CDH23: variants seen among roughly 807,000 people sequenced by gnomAD.
CDH23 encodes cadherin related 23.
A neutral mutation model predicts 317.1 loss-of-function variants in CDH23; 189 were observed. The observed-to-expected ratio is 0.60, with a 90% CI of 0.53 to 0.67. The LOEUF is 0.67. Among genes scored for constraint, CDH23 ranks in the 30% least tolerant of loss-of-function variants. The probability of loss-of-function intolerance (pLI) is 0.00; values close to 1 mark genes in which losing one functional copy is unlikely to be tolerated. For missense variants in CDH23, 4,401 were observed against 4,592.4 expected, an observed-to-expected ratio of 0.96 and a Z score of 1.20; for synonymous variants, 1,839 against 1,876.8, an observed-to-expected ratio of 0.98 and a Z score of 0.52.
chr10:71,562,536 G>C (rs934712521), intron 6 of CDH23, among the ~76,000 whole-genome samples: 3 of 152,210 alleles, frequency 2.0e-5, no homozygotes, highest in African/African-American at 7.2e-5. Flanking sequence ...TCAGCAGAGG[G>C]TCTGGGTGAG....
At chr10:71,567,091 G>C (rs1003169099) in intron 7 of CDH23, among the ~76,000 whole-genome samples, 155 bp downstream of exon 7, 1 of 152,192 alleles carries the variant, frequency 6.6e-6, no homozygotes, top group Non-Finnish European at 1.5e-5. Context: ...AATGAGGCTG[G>C]CATTACTGAG....
At chr10:71,452,752 T>C (rs1308899763) in intron 3 of CDH23, among the ~76,000 whole-genome samples, 1 of 152,198 alleles carries the variant, frequency 6.6e-6, no homozygotes, top group Non-Finnish European at 1.5e-5. Context: ...GTGTCTCTAT[T>C]ATACAAGACT....
At chr10:71,797,039 C>T (rs906347013) in intron 48 of CDH23, 65 bp from the exon 49 acceptor site, 3 of 1,043,606 alleles carry the variant, frequency 2.9e-6, no homozygotes, top group East Asian at 2.6e-5. Flanking sequence ...GCCAGGAGCA[C>T]CCCTGGGAAG....
chr10:71,592,211 A>C (rs1859540998), intron 9 of CDH23, among the ~76,000 whole-genome samples: 1 of 152,202 alleles, frequency 6.6e-6, no homozygotes, highest in Admixed American at 6.5e-5. Flanking sequence ...TGTGAGGCTC[A>C]GGGTTCCCAT....
At chr10:71,593,110 C>T (rs1859610864) in intron 9 of CDH23, among the ~76,000 whole-genome samples, 1 of 152,202 alleles carries the variant, frequency 6.6e-6, no homozygotes, top group Non-Finnish European at 1.5e-5. Flanking sequence ...CCAAATACAT[C>T]TAGTACACTT....
Position 71,460,372 on chromosome 10 carries a change from G to A in CDH23, c.145+13977G>A, listed in dbSNP as rs114600594. Among the ~76,000 whole-genome samples the A allele has an allele frequency of 2.6e-3, 402 of 152,362 alleles. 1 individual carries two copies. Among genetic ancestry groups the A allele is most frequent in the African/African-American group, 8.9e-3 (369 of 41,588 alleles). ...GGATGTGCCCTGGTGTCACAGCACC[G>A]CCTGTGGGCCCTCCTTTCCTGGGCT... On this transcript the variant is annotated intron_variant, in intron 3 of 69. Transcript: ENST00000224721.
At position 71,566,959 on chromosome 10, in the gene CDH23, C is replaced by T. The variant is rs545479355; in HGVS notation, c.624+23C>T. The stretch of plus-strand genomic sequence containing the variant: ...ACAGTGAGTCTCCATGCTGGGGCCC[C>T]GGCCGTCCCAGCTGCCTCTTCCCAC... On this transcript the variant is annotated intron_variant, in intron 7 of 69. Transcript: ENST00000224721. 87 of 1,604,192 alleles carry T rather than the reference C, an allele frequency of 5.4e-5. No individual in the cohort carries two copies. The African/African-American group carries it at 6.1e-4, about 11-fold the overall frequency.
intron 3 of CDH23, among the ~76,000 whole-genome samples, chr10:71,483,758 T>C (rs1007211063): frequency 1.3e-5 from 2 of 152,214 alleles, no homozygotes; most frequent in African/African-American, 4.8e-5. Context: ...GGTGGGGAAC[T>C]GAGGCATAGA....
At chr10:71,416,500 C>T (rs1039976909) in intron 1 of CDH23, among the ~76,000 whole-genome samples, 3 of 152,108 alleles carry the variant, frequency 2.0e-5, no homozygotes, top group Admixed American at 1.3e-4. Flanking sequence ...TTCTTTCAGC[C>T]AGCATTCGTT....
intron 26 of CDH23, among the ~76,000 whole-genome samples, chr10:71,708,871 A>T (rs969706936): frequency 2.0e-5 from 3 of 152,216 alleles, no homozygotes; most frequent in African/African-American, 7.2e-5. Context: ...ACCTGTAAAC[A>T]GGAGGTGCTT....
chr10:71,635,182 C>G (rs1300104046), intron 11 of CDH23: 1 of 152,662 alleles, frequency 6.6e-6, no homozygotes, highest in Non-Finnish European at 1.5e-5. Context: ...TCAAAAGCAC[C>G]TGCCCCTCAT....
intron 38 of CDH23, among the ~76,000 whole-genome samples, chr10:71,759,846 C>CACACACACATATATATACACACACACAT (rs776230069): frequency 1.7e-5 from 1 of 59,932 alleles, no homozygotes; most frequent in Admixed American, 1.9e-4. Flanking sequence ...CACACACACA[C>CACACACACATATATATACACACACACAT]ATATACACAC....
At chr10:71,572,598 C>T (rs765866234) in intron 8 of CDH23, among the ~76,000 whole-genome samples, 1 of 152,170 alleles carries the variant, frequency 6.6e-6, no homozygotes, top group Non-Finnish European at 1.5e-5. Flanking sequence ...GCACCCTCTC[C>T]GCCCCTGTGC....
intron 11 of CDH23, among the ~76,000 whole-genome samples, chr10:71,636,397 T>G (rs1397336770): frequency 6.6e-6 from 1 of 152,080 alleles, no homozygotes; most frequent in Admixed American, 6.5e-5. Context: ...GGTGCACACA[T>G]GTGGTCCCAG....
At chr10:71,768,423 G>A (rs982123298) in intron 38 of CDH23, among the ~76,000 whole-genome samples, 14 of 152,030 alleles carry the variant, frequency 9.2e-5, no homozygotes, top group South Asian at 4.1e-4. Context: ...CACCCGCCTC[G>A]TCCTCCCCAA....
intron 3 of CDH23, among the ~76,000 whole-genome samples, chr10:71,482,651 A>G (rs1220035378): frequency 1.3e-5 from 2 of 152,116 alleles, no homozygotes; most frequent in African/African-American, 4.8e-5. Flanking sequence ...GGGTATCATC[A>G]ATGCTGCTGG....
intron 9 of CDH23, among the ~76,000 whole-genome samples, chr10:71,611,194 G>A (rs1860867949): frequency 6.6e-6 from 1 of 152,258 alleles, no homozygotes; most frequent in Admixed American, 6.5e-5. Context: ...AGCGCCTGTG[G>A]AGGGGAGGAC....
chr10:71,526,467 G>C (rs548168060), intron 6 of CDH23, among the ~76,000 whole-genome samples: 1 of 152,344 alleles, frequency 6.6e-6, no homozygotes, highest in South Asian at 2.1e-4. Flanking sequence ...GAAAAGGGCT[G>C]CCTGAAGTTA....
chr10:71,545,265 G>GA (rs1347551579), intron 6 of CDH23, among the ~76,000 whole-genome samples: 1 of 152,208 alleles, frequency 6.6e-6, no homozygotes, highest in African/African-American at 2.4e-5. Flanking sequence ...CACGGCAGGG[G>GA]AGGGGGAGGA....
Sources: gnomAD v4.1 joint callset for allele counts (sites outside exome capture counted in the v4.1 genomes callset) on GRCh38, gnomAD v4.1.1 for gene constraint, MANE v1.5 for transcripts, NCBI Gene and HGNC (gene_info 2026-07-23, HGNC 2026-07-21) for gene names.